TNNT2: variants seen among roughly 807,000 people sequenced by gnomAD.
TNNT2 encodes troponin T, cardiac muscle.
Under a neutral mutation model 62.4 loss-of-function variants are expected in TNNT2, and 34 were observed. That is an observed-to-expected ratio of 0.54 (90% confidence interval 0.41 to 0.72). The LOEUF (loss-of-function observed/expected upper bound fraction) is 0.72, where lower values mean the gene tolerates loss of function less well. Among genes scored for constraint, TNNT2 ranks in the 30% least tolerant of loss-of-function variants. The pLI is 0.00. For missense variants in TNNT2, 275 were observed against 381.9 expected (o/e 0.72, Z 2.33); for synonymous variants, 123 against 127.2 (o/e 0.97, Z 0.22).
intron 10 of TNNT2, among the ~76,000 whole-genome samples, chr1:201,364,805 G>C (rs563376329): frequency 6.6e-6 from 1 of 152,348 alleles, no homozygotes; most frequent in African/African-American, 2.4e-5. Context: ...CGCTCTGCAG[G>C]AGAAGGATGT....
chr1:201,362,224 C>T (rs1259112830), intron 13 of TNNT2, 162 bp downstream of exon 13: 14 of 1,324,598 alleles, frequency 1.1e-5, no homozygotes, highest in African/African-American at 2.9e-5. Flanking sequence ...ACGTCAGTCT[C>T]TTCCTTCTTT....
At chr1:201,363,956 C>T (rs1035388501) in intron 11 of TNNT2, 4 of 337,228 alleles carry the variant, frequency 1.2e-5, no homozygotes, top group African/African-American at 2.2e-5. Flanking sequence ...GGCATGACCT[C>T]GGCTCACTGC....
At chr1:201,369,317 A>T (rs896055384) in intron 5 of TNNT2, 1 of 472,376 alleles carries the variant, frequency 2.1e-6, no homozygotes, top group African/African-American at 2.0e-5. Flanking sequence ...GCGCATCTGA[A>T]GGCTGACGTC....
intron 4 of TNNT2, 122 bp downstream of exon 4, chr1:201,371,905 G>A: frequency 1.5e-6 from 2 of 1,344,276 alleles, no homozygotes; most frequent in Non-Finnish European, 2.1e-6. Flanking sequence ...ACTGTTGTTG[G>A]AGGATCTTGC....
chr1:201,361,834 C>G, intron 14 of TNNT2, 79 bp downstream of exon 14: 3 of 1,345,184 alleles, frequency 2.2e-6, no homozygotes, highest in Non-Finnish European at 3.2e-6. Context: ...TGGTGGCTCA[C>G]AGCAAGAAGT....
intron 8 of TNNT2, chr1:201,366,389 G>A: frequency 4.7e-6 from 5 of 1,057,954 alleles, no homozygotes; most frequent in Non-Finnish European, 5.7e-6. Context: ...ACCACCTTCA[G>A]GTGGGCTTCA....
At chr1:201,363,496 G>C in intron 11 of TNNT2, 90 bp from the exon 12 acceptor site, 2 of 1,244,262 alleles carry the variant, frequency 1.6e-6, no homozygotes, top group Non-Finnish European at 1.2e-6. Flanking sequence ...TTATGGGTGA[G>C]TTCAGCTTTC....
intron 8 of TNNT2, chr1:201,366,340 A>T (rs1224111182): frequency 2.0e-6 from 2 of 995,560 alleles, no homozygotes; most frequent in Non-Finnish European, 2.4e-6. Flanking sequence ...CATCATAAAA[A>T]GGGAAATGCT....
chr1:201,361,869 G>A (rs1272077884), intron 14 of TNNT2, 44 bp downstream of exon 14: 1 of 1,570,464 alleles, frequency 6.4e-7, no homozygotes, highest in East Asian at 2.2e-5. Context: ...CCCTCCCAGA[G>A]CAGATGCGGG....
intron 9 of TNNT2, 68 bp from the exon 10 acceptor site, chr1:201,365,375 A>G (rs1659470901): frequency 7.2e-7 from 1 of 1,384,454 alleles, no homozygotes. Context: ...TGGGTGGGCT[A>G]GACACCCCCC....
rs3729845 is a variant in TNNT2 at position 201,365,667 on chromosome 1, C to T, written c.237G>A (p.Ser79=). The change falls in exon 9 of 17, where the codon TCG becomes TCA. Residue 79 remains serine, a synonymous_variant. Coordinates refer to ENST00000656932, the MANE Select transcript of TNNT2 (RefSeq NM_001276345.2). ...PMEESKPKPR[S]FMPNLVPPKI... Reference sequence around the variant, plus strand: ...TGGGAGGCACCAAGTTGGGCATGAACGACCTGTTGGAGAGAGGAATAGTCA... The same window carrying T: ...TGGGAGGCACCAAGTTGGGCATGAATGACCTGTTGGAGAGAGGAATAGTCA... 107,021 of 1,613,624 alleles carry T rather than the reference C, an allele frequency of 0.066. 4,202 individuals are homozygous for T. The highest frequency in any genetic ancestry group is 0.16 in the African/African-American group (11,864 of 74,970).
Position 201,361,855 on chromosome 1 carries a change from C to T in TNNT2, c.719+58G>A, listed in dbSNP as rs1394195163. On this transcript the variant is annotated intron_variant, in intron 14 of 16. Transcript: ENST00000656932. ...CTCACAGCAAGAAGTGCCCTTGGCCCGACCCCTCCCAGAGCAGATGCGGGC... is the reference window on the plus strand; with the variant it reads ...CTCACAGCAAGAAGTGCCCTTGGCCTGACCCCTCCCAGAGCAGATGCGGGC... The T allele has an allele frequency of 7.2e-6, 11 of 1,519,954 alleles. 1 individual carries two copies. The highest frequency in any genetic ancestry group is 2.2e-5 in the South Asian group (2 of 89,164). 94.2% of individuals were successfully genotyped at this position (1,519,954 alleles called of 1,614,324 possible).
intron 2 of TNNT2, among the ~76,000 whole-genome samples, chr1:201,372,740 G>A (rs780694007): frequency 6.6e-6 from 1 of 152,220 alleles, no homozygotes; most frequent in Non-Finnish European, 1.5e-5. Flanking sequence ...TTATTGGATT[G>A]GCTGTGTCCC....
chr1:201,368,064 G>T, intron 6 of TNNT2, 98 bp downstream of exon 6: 1 of 1,274,370 alleles, frequency 7.8e-7, no homozygotes, highest in Non-Finnish European at 1.1e-6. Context: ...AGGTGCACAT[G>T]GGAAAGCCTG....
Position 201,361,987 on chromosome 1 carries a change from C to T in TNNT2, c.645G>A (p.Arg215=), listed in dbSNP as rs1571605548. ...ERKSGKRQTE[R]EKKKKILAER... ...CAGCCAGAATCTTCTTCTTCTTTTCCCGCTCAGTCTGCCTCTTCCCACTTT... is the reference window on the plus strand; with the variant it reads ...CAGCCAGAATCTTCTTCTTCTTTTCTCGCTCAGTCTGCCTCTTCCCACTTT... The change falls in exon 14 of 17, where the codon CGG becomes CGA. Residue 215 remains arginine (R), a synonymous_variant. Transcript: ENST00000656932. The T allele has an allele frequency of 6.2e-7, 1 of 1,614,218 alleles. No homozygotes were observed. Among genetic ancestry groups the T allele is most frequent in the Non-Finnish European group, 8.5e-7 (1 of 1,180,048 alleles).
chr1:201,362,581 T>C (rs1658882584), intron 12 of TNNT2, among the ~76,000 whole-genome samples, 187 bp from the exon 13 acceptor site: 1 of 152,110 alleles, frequency 6.6e-6, no homozygotes, highest in South Asian at 2.1e-4. Flanking sequence ...TTCGGTAGCA[T>C]GAAGACTTTG....
At position 201,371,379 on chromosome 1, in the gene TNNT2, G is replaced by A. The variant is rs374626451; in HGVS notation, c.67+648C>T. On this transcript the variant is annotated intron_variant, in intron 4 of 16. Coordinates refer to ENST00000656932, the MANE Select transcript of TNNT2 (RefSeq NM_001276345.2). ...CATAGGAGCAGCAAGAGGGGCCTCTGCAAGCTCAGAATCATGACAAATCTT... is the reference window on the plus strand; with the variant it reads ...CATAGGAGCAGCAAGAGGGGCCTCTACAAGCTCAGAATCATGACAAATCTT... 5.7e-4 allele frequency among the ~76,000 whole-genome samples: 87 copies of A among 152,344 alleles called. 1 individual carries two copies. In the South Asian group the frequency reaches 6.6e-3, roughly 12 times the overall value.
intron 1 of TNNT2, among the ~76,000 whole-genome samples, chr1:201,376,484 C>T (rs556775962): frequency 6.6e-6 from 1 of 152,248 alleles, no homozygotes; most frequent in Non-Finnish European, 1.5e-5. Flanking sequence ...GTTAGCCCAC[C>T]AGGAGAGCGG....
At chr1:201,362,157 C>T in intron 13 of TNNT2, 135 bp from the exon 14 acceptor site, 1 of 1,180,688 alleles carries the variant, frequency 8.5e-7, no homozygotes, top group Non-Finnish European at 1.3e-6. Context: ...TGCCACACCC[C>T]CCAACTACCA....
Sources: allele counts gnomAD v4.1 joint callset (sites outside exome capture counted in the v4.1 genomes callset), GRCh38; gene constraint gnomAD v4.1.1; transcripts MANE v1.5; gene names NCBI Gene and HGNC (gene_info 2026-07-23, HGNC 2026-07-21).